Variants in GALNT13 observed in about 807,000 individuals in gnomAD.
GALNT13 encodes the protein polypeptide N-acetylgalactosaminyltransferase 13.
A neutral mutation model predicts 64.2 loss-of-function variants in GALNT13; 28 were observed. The observed-to-expected ratio is 0.44, with a 90% CI of 0.32 to 0.60. The LOEUF is 0.60. Among genes scored for constraint, GALNT13 ranks in the 20% least tolerant of loss-of-function variants. GALNT13 has a pLI of 0.05. For missense variants in GALNT13, 577 were observed against 669.8 expected (o/e 0.86, Z 1.53); for synonymous variants, 214 against 224.6 (o/e 0.95, Z 0.42).
chr2:153,888,515 C>T (rs1687340228), intron 1 of GALNT13, among the ~76,000 whole-genome samples: 1 of 151,920 alleles, frequency 6.6e-6, no homozygotes, highest in Non-Finnish European at 1.5e-5. Flanking sequence ...AAGCAATTTT[C>T]TAGTGCTGCC....
At chr2:153,324,009 T>G in the GALNT13 span, among the ~76,000 whole-genome samples, 2 of 152,228 alleles carry the variant, frequency 1.3e-5, no homozygotes, top group Non-Finnish European at 2.9e-5. Flanking sequence ...AAAGTAGTTT[T>G]TTTCTAATTC....
the GALNT13 span, among the ~76,000 whole-genome samples, chr2:153,658,860 A>G: frequency 2.0e-5 from 3 of 152,084 alleles, no homozygotes; most frequent in Non-Finnish European, 2.9e-5. Flanking sequence ...ATTTGCTGAA[A>G]CAAGTTTTAA....
chr2:153,186,310 T>C, the GALNT13 span, among the ~76,000 whole-genome samples: 3 of 152,108 alleles, frequency 2.0e-5, no homozygotes, highest in African/African-American at 4.8e-5. Flanking sequence ...TGCTTAGTAA[T>C]TTTTCCTCCA....
At chr2:153,406,403 CTATT>C in the GALNT13 span, among the ~76,000 whole-genome samples, 2 of 152,024 alleles carry the variant, frequency 1.3e-5, no homozygotes, top group East Asian at 3.9e-4. Flanking sequence ...TTTAAATTCT[CTATT>C]TTTTTTTCTT....
the GALNT13 span, among the ~76,000 whole-genome samples, chr2:153,543,487 T>C: frequency 6.5e-4 from 99 of 152,358 alleles, no homozygotes; most frequent in Middle Eastern, 3.4e-3. Flanking sequence ...TAATGTAAAT[T>C]ATATAAATTG....
intron 4 of GALNT13, among the ~76,000 whole-genome samples, chr2:154,211,307 G>T (rs1175236939): frequency 6.6e-6 from 1 of 151,974 alleles, no homozygotes; most frequent in East Asian, 1.9e-4. Flanking sequence ...TCATATTTGT[G>T]TATCTAAACA....
the GALNT13 span, among the ~76,000 whole-genome samples, chr2:153,809,525 C>A: frequency 2.6e-5 from 4 of 152,116 alleles, no homozygotes; most frequent in African/African-American, 9.7e-5. Flanking sequence ...AAAACAACTT[C>A]CCAAACTTTT....
chr2:153,699,915 A>C, the GALNT13 span, among the ~76,000 whole-genome samples: 127 of 152,326 alleles, frequency 8.3e-4, no homozygotes, highest in African/African-American at 2.9e-3. Context: ...CAGAGGTATA[A>C]GGAGGAGCCA....
intron 1 of GALNT13, among the ~76,000 whole-genome samples, chr2:153,874,560 T>C (rs895146976): frequency 6.6e-6 from 1 of 152,082 alleles, no homozygotes; most frequent in East Asian, 1.9e-4. Context: ...GTCTCAGATA[T>C]GTAGTCCCTA....
At chr2:154,330,231 C>G (rs367938762) in intron 9 of GALNT13, among the ~76,000 whole-genome samples, 2 of 152,188 alleles carry the variant, frequency 1.3e-5, no homozygotes, top group Admixed American at 6.6e-5. Context: ...CACATGTTTT[C>G]TAACCACAAG....
chr2:153,525,064 G>C, the GALNT13 span, among the ~76,000 whole-genome samples: 1 of 152,214 alleles, frequency 6.6e-6, no homozygotes, highest in African/African-American at 2.4e-5. Context: ...ATCAGCCACA[G>C]TAAGATAGGG....
chr2:153,196,239 T>C, the GALNT13 span, among the ~76,000 whole-genome samples: 31 of 152,086 alleles, frequency 2.0e-4, no homozygotes, highest in Admixed American at 2.0e-3. Context: ...CATGCCACCA[T>C]CCATGATGTC....
rs375398858 is a variant in GALNT13, at chr2:154,429,818, G to A, written c.1396-8774G>A. ...TATAGCGAGTGACTTTAAGTCAAAA[G>A]CAATGTTCATTTATTTACCATTCCC... On this transcript the variant is annotated intron_variant, in intron 11 of 12. Coordinates refer to ENST00000392825, the MANE Select transcript of GALNT13 (RefSeq NM_052917.4). Among the ~76,000 whole-genome samples, 5 of 152,218 alleles carry A rather than the reference G, an allele frequency of 3.3e-5. No individual in the cohort carries two copies. The East Asian group carries it at 7.7e-4, about 23-fold the overall frequency.
At chr2:153,308,586 G>A in the GALNT13 span, among the ~76,000 whole-genome samples, 1 of 152,080 alleles carries the variant, frequency 6.6e-6, no homozygotes, top group African/African-American at 2.4e-5. Context: ...AAGGGCTTGA[G>A]GTTTTTGGAA....
the GALNT13 span, among the ~76,000 whole-genome samples, chr2:153,083,386 A>C: frequency 9.2e-5 from 14 of 152,308 alleles, no homozygotes; most frequent in East Asian, 2.5e-3. Flanking sequence ...TTTTCCCCAC[A>C]TCTACCCCAA....
intron 4 of GALNT13, among the ~76,000 whole-genome samples, chr2:154,205,882 C>G (rs1040350327): frequency 1.1e-4 from 17 of 152,128 alleles, no homozygotes; most frequent in African/African-American, 3.9e-4. Flanking sequence ...AAAAAAAATT[C>G]TCTAGTTTTC....
the GALNT13 span, among the ~76,000 whole-genome samples, chr2:153,727,073 T>C: frequency 6.6e-6 from 1 of 152,108 alleles, no homozygotes; most frequent in Admixed American, 6.5e-5. Flanking sequence ...CTTCACACAG[T>C]AATATTGAAA....
At chr2:154,102,673 T>G (rs1028474861) in intron 3 of GALNT13, among the ~76,000 whole-genome samples, 8 of 152,012 alleles carry the variant, frequency 5.3e-5, no homozygotes, top group Non-Finnish European at 7.4e-5. Flanking sequence ...AAAGAACTAT[T>G]AAAATTAAAA....
the GALNT13 span, among the ~76,000 whole-genome samples, chr2:153,744,904 T>C: frequency 3.3e-5 from 5 of 152,034 alleles, no homozygotes; most frequent in Non-Finnish European, 1.5e-5. Flanking sequence ...GCCATTAGCA[T>C]TGGTGGAAGT....
Sources: gnomAD v4.1 joint callset for allele counts (sites outside exome capture counted in the v4.1 genomes callset) on GRCh38, gnomAD v4.1.1 for gene constraint, MANE v1.5 for transcripts, NCBI Gene and HGNC (gene_info 2026-07-23, HGNC 2026-07-21) for gene names.